ZNRF3: variants seen among roughly 807,000 people sequenced by gnomAD.
ZNRF3 encodes the protein E3 ubiquitin-protein ligase ZNRF3.
ZNRF3 carries 23 observed loss-of-function variants against 72.5 expected under a neutral mutation model. The observed-to-expected ratio is 0.32, with a 90% CI of 0.23 to 0.45. The LOEUF (loss-of-function observed/expected upper bound fraction) is 0.45. Ranked by LOEUF, ZNRF3 falls within the 20% of genes least tolerant of loss-of-function variation. The pLI is 1.00. For missense variants in ZNRF3, 1,169 were observed against 1,272.1 expected (o/e 0.92, Z 1.23); for synonymous variants, 610 against 545.3 (o/e 1.12, Z -1.65).
chr22:29,038,168 A>C (rs1381897928), intron 2 of ZNRF3, among the ~76,000 whole-genome samples: 1 of 152,180 alleles, frequency 6.6e-6, no homozygotes, highest in Non-Finnish European at 1.5e-5. Context: ...CAAGACTGTG[A>C]ACTCCTAATT....
rs139524185 is a variant in ZNRF3 at position 28,892,775 on chromosome 22, T to A, written c.300+8709T>A. ...AGTTGTTTAGAAACTCAGTATAGAG[T>A]TTGATTCTGTGAAAACGAAGTTTGA... On this transcript the variant is annotated intron_variant, in intron 1 of 8. Coordinates refer to ENST00000544604, the MANE Select transcript of ZNRF3 (RefSeq NM_001206998.2). Among the ~76,000 whole-genome samples, 301 of 152,226 alleles carry A rather than the reference T, an allele frequency of 2.0e-3. 2 individuals are homozygous for A. The highest frequency in any genetic ancestry group is 6.8e-3 in the African/African-American group (283 of 41,526).
intron 1 of ZNRF3, among the ~76,000 whole-genome samples, chr22:28,909,639 G>T (rs2034277121): frequency 6.6e-6 from 1 of 151,932 alleles, no homozygotes; most frequent in Non-Finnish European, 1.5e-5. Flanking sequence ...GGAGTGCGGG[G>T]GCGTGATCTC....
Position 29,048,410 on chromosome 22 carries a change from A to G in ZNRF3, c.934A>G (p.Thr312Ala). ...DGEELRVIPCTHRFHRKCVDP... is the reference protein window; with the variant it reads ...DGEELRVIPCAHRFHRKCVDP... Reference sequence around the variant, plus strand: ...CCAGGAGCTGCGGGTCATCCCCTGTACTCACCGGTTTCACAGGAAGTGCGT... The same window carrying G: ...CCAGGAGCTGCGGGTCATCCCCTGTGCTCACCGGTTTCACAGGAAGTGCGT... Residue 312 changes from threonine to alanine, a missense_variant, in exon 7 of 9, where the codon ACT becomes GCT. Transcript: ENST00000544604. The surrounding 1 kb of genome is among the most constrained non-coding windows in gnomAD (Gnocchi z 4.9). The G allele has an allele frequency of 6.2e-7, 1 of 1,613,902 alleles. No individual in the cohort carries two copies. Among genetic ancestry groups the G allele is most frequent in the Non-Finnish European group, 8.5e-7 (1 of 1,179,932 alleles).
chr22:29,013,125 TG>T (rs1444919341), intron 2 of ZNRF3, among the ~76,000 whole-genome samples: 1 of 152,242 alleles, frequency 6.6e-6, no homozygotes, highest in Non-Finnish European at 1.5e-5. Flanking sequence ...GGTTGCCACA[TG>T]GTAGACAAAT....
intron 2 of ZNRF3, among the ~76,000 whole-genome samples, chr22:29,005,353 T>G (rs183428061): frequency 1.3e-3 from 205 of 152,380 alleles, no homozygotes; most frequent in Non-Finnish European, 1.9e-3. Context: ...ACGTGCCTAC[T>G]TGTAGATTTT....
chr22:29,025,514 T>C (rs1469635626), intron 2 of ZNRF3: 1 of 151,930 alleles, frequency 6.6e-6, no homozygotes. Flanking sequence ...CCAATTAAAC[T>C]CTTAATCCAT....
chr22:28,937,201 A>T (rs1601580311), intron 1 of ZNRF3, among the ~76,000 whole-genome samples: 1 of 4,416 alleles, frequency 2.3e-4, no homozygotes, highest in African/African-American at 4.7e-4. Flanking sequence ...ATATATATAT[A>T]TATATATATA....
chr22:29,044,360 C>T (rs1012679182), intron 4 of ZNRF3, among the ~76,000 whole-genome samples: 3 of 152,134 alleles, frequency 2.0e-5, no homozygotes, highest in African/African-American at 7.2e-5. Context: ...AAGCAGCATA[C>T]AATTTTCTGA....
intron 1 of ZNRF3, among the ~76,000 whole-genome samples, chr22:28,956,483 C>T (rs1321150087): frequency 6.6e-6 from 1 of 150,426 alleles, no homozygotes; most frequent in East Asian, 2.0e-4. Context: ...TTGTGACTGA[C>T]AATGCAGCAT....
chr22:29,019,200 T>G (rs1325984869), intron 2 of ZNRF3, among the ~76,000 whole-genome samples: 1 of 152,118 alleles, frequency 6.6e-6, no homozygotes, highest in Middle Eastern at 3.2e-3. Flanking sequence ...TATTTGCTCA[T>G]GTCCCATTGA....
chr22:28,980,541 CATA>C (rs2035747355), intron 1 of ZNRF3, among the ~76,000 whole-genome samples: 1 of 152,164 alleles, frequency 6.6e-6, no homozygotes, highest in South Asian at 2.1e-4. Flanking sequence ...GCCACAGTTT[CATA>C]ATAATGTCAA....
In ZNRF3 at chr22:28,961,192, A is replaced by T. The variant is rs574219733; in HGVS notation, c.301-25884A>T. Among the ~76,000 whole-genome samples, 25 of 152,336 alleles carry T rather than the reference A, an allele frequency of 1.6e-4. No individual in the cohort carries two copies. The East Asian group carries it at 4.8e-3, about 29-fold the overall frequency. On this transcript the variant is annotated intron_variant, in intron 1 of 8. Transcript: ENST00000544604. The stretch of plus-strand genomic sequence containing the variant: ...CTTCTTCAAGACCTTTTATAAGGGC[A>T]CTAATCTGTTCATGAGGGAAGAGCC...
At position 29,057,004 on chromosome 22, in the gene ZNRF3, CTT is replaced by C. The variant is rs1326599300; in HGVS notation, c.*3384_*3385del. ...TTAAACAGAACTGCCTTTTTCTACT[CTT>C]TATGTAAACTCTTTCTATTGTGTTG... On this transcript the variant is annotated 3_prime_UTR_variant, in exon 9 of 9. Coordinates refer to ENST00000544604, the MANE Select transcript of ZNRF3 (RefSeq NM_001206998.2). 1.3e-5 allele frequency: 2 copies of C among 152,182 alleles called. No individual in the cohort carries two copies. The highest frequency in any genetic ancestry group is 2.9e-5 in the Non-Finnish European group (2 of 68,026). The allele number at this position is 152,182 out of a possible 1,614,324, so 9.4% of individuals were successfully genotyped here.
At position 29,050,405 on chromosome 22, in the gene ZNRF3, G is replaced by C; in HGVS notation, c.2224G>C (p.Gly742Arg). ...TLFLGPHLYE[G>R]SGPAGGEPQS... ...GTTCCTGGGGCCCCACCTCTACGAG[G>C]GCTCTGGCCCGGCGGGTGGGGAGCC... Residue 742 changes from glycine to arginine, a missense_variant, in exon 8 of 9, where the codon GGC becomes CGC. By Grantham distance (125) the Gly-to-Arg change is moderately radical. Coordinates refer to ENST00000544604, the MANE Select transcript of ZNRF3 (RefSeq NM_001206998.2). 1 of 1,605,946 alleles carries C rather than the reference G, an allele frequency of 6.2e-7. No homozygotes were observed. Among genetic ancestry groups the C allele is most frequent in the African/African-American group, 1.3e-5 (1 of 74,884 alleles).
chr22:28,936,787 G>A (rs1291489642), intron 1 of ZNRF3, among the ~76,000 whole-genome samples: 2 of 152,002 alleles, frequency 1.3e-5, no homozygotes, highest in Admixed American at 1.3e-4. Context: ...ACAGTCCCTC[G>A]ACTGCCTCTG....
At chr22:28,962,887 T>C (rs1198576399) in intron 1 of ZNRF3, among the ~76,000 whole-genome samples, 1 of 152,216 alleles carries the variant, frequency 6.6e-6, no homozygotes, top group African/African-American at 2.4e-5. Flanking sequence ...TTAGTTCAAA[T>C]GCATTGAAGG....
chr22:28,883,790 C>T lies in ZNRF3; in HGVS notation c.24C>T (p.Arg8=). Residue 8 remains arginine (R), a synonymous_variant, in exon 1 of 9, where the codon CGC becomes CGT. Coordinates refer to ENST00000544604, the MANE Select transcript of ZNRF3 (RefSeq NM_001206998.2). This position sits in a 1 kb window ranked among gnomAD's most constrained non-coding sequence, Gnocchi z 5.5. MRPRSGG[R]PGATGRRRRR... is the part of the protein sequence containing the mutation. Reference sequence around the variant, plus strand: ...CCATGAGGCCGCGCTCGGGCGGGCGCCCAGGGGCCACGGGCCGCCGCCGCC... The same window carrying T: ...CCATGAGGCCGCGCTCGGGCGGGCGTCCAGGGGCCACGGGCCGCCGCCGCC... The T allele has an allele frequency of 1.0e-6, 1 of 979,328 alleles. No individual in the cohort carries two copies. Among genetic ancestry groups the T allele is most frequent in the Non-Finnish European group, 1.2e-6 (1 of 827,526 alleles). 60.7% of individuals were successfully genotyped at this position (979,328 alleles called of 1,614,324 possible).
chr22:28,945,149 C>CA (rs781088280), intron 1 of ZNRF3, among the ~76,000 whole-genome samples: 4,840 of 86,644 alleles, frequency 0.056, 166 homozygotes, highest in African/African-American at 0.13. Flanking sequence ...GACCCTGTCT[C>CA]AAAAAAAAAA....
intron 1 of ZNRF3, among the ~76,000 whole-genome samples, chr22:28,936,962 G>A (rs2034830427): frequency 6.6e-6 from 1 of 151,956 alleles, no homozygotes; most frequent in Admixed American, 6.6e-5. Flanking sequence ...CCATCCCAAA[G>A]CCAGGGCTTG....
Sources: allele counts gnomAD v4.1 joint callset (sites outside exome capture counted in the v4.1 genomes callset), GRCh38; gene constraint gnomAD v4.1.1; non-coding constraint Gnocchi (gnomAD v3.1); transcripts MANE v1.5; gene names NCBI Gene and HGNC (gene_info 2026-07-23, HGNC 2026-07-21).